The following RBL2 variants were observed in gnomAD, a reference collection of about 807,000 sequenced individuals.
RBL2 encodes retinoblastoma-like protein 2.
A neutral mutation model predicts 126.0 loss-of-function variants in RBL2; 56 were observed. The ratio of observed to expected loss-of-function variants is 0.44; its 90% confidence interval spans 0.36 to 0.56. The LOEUF (loss-of-function observed/expected upper bound fraction) is 0.56, where lower values mean the gene tolerates loss of function less well. Among genes scored for constraint, RBL2 ranks in the 20% least tolerant of loss-of-function variants. The probability of loss-of-function intolerance (pLI) is 0.00; values close to 1 mark genes in which losing one functional copy is unlikely to be tolerated. For missense variants in RBL2, 1,229 were observed against 1,398.2 expected (o/e 0.88, Z 1.93); for synonymous variants, 454 against 478.5 (o/e 0.95, Z 0.67).
chr16:53,436,251 C>T (rs1008715530), intron 1 of RBL2, among the ~76,000 whole-genome samples: 13 of 152,044 alleles, frequency 8.6e-5, no homozygotes, highest in Non-Finnish European at 1.8e-4. Context: ...TCCTGTAAAT[C>T]AGATAGAACA....
chr16:53,481,766 A>G lies in RBL2; in HGVS notation c.3180A>G (p.Pro1060=). ...AAAATCATCCTGTCTACATTTCCCCACATAAAAATGAAACAATGCTTTCTC... is the reference window on the plus strand; with the variant it reads ...AAAATCATCCTGTCTACATTTCCCCGCATAAAAATGAAACAATGCTTTCTC... ...LSQNHPVYIS[P]HKNETMLSPR... The change falls in exon 21 of 22, where the codon CCA becomes CCG. Residue 1060 remains proline, a synonymous_variant. Transcript: ENST00000262133. 1 of 1,595,610 alleles carries G rather than the reference A, an allele frequency of 6.3e-7. No individual in the cohort carries two copies.
At chr16:53,438,671 CTG>C (rs931790354) in intron 1 of RBL2, among the ~76,000 whole-genome samples, 2 of 151,850 alleles carry the variant, frequency 1.3e-5, no homozygotes, top group African/African-American at 2.4e-5. Context: ...TGACAAAACC[CTG>C]TCTCTACAAA....
intron 5 of RBL2, among the ~76,000 whole-genome samples, chr16:53,452,990 A>AT (rs918088143): frequency 4.0e-5 from 6 of 151,856 alleles, no homozygotes; most frequent in African/African-American, 9.7e-5. Flanking sequence ...TTTTTATTTG[A>AT]TTTTTTTTCT....
chr16:53,453,010 A>C (rs929495747), intron 5 of RBL2, among the ~76,000 whole-genome samples: 3 of 151,956 alleles, frequency 2.0e-5, no homozygotes, highest in African/African-American at 7.3e-5. Context: ...TTTTGTGCTG[A>C]GTCTAGGGCA....
In RBL2 at chr16:53,481,696, A is replaced by G. The variant is rs1238256020; in HGVS notation, c.3110A>G (p.Tyr1037Cys). 1.9e-6 allele frequency: 3 copies of G among 1,611,628 alleles called. No individual in the cohort carries two copies. Among genetic ancestry groups the G allele is most frequent in the South Asian group, 2.2e-5 (2 of 90,966 alleles). ...ANMDAPPLSP[Y>C]PFVRTGSPRR... ...ATGGATGCTCCTCCACTCTCTCCCT[A>G]TCCATTTGTAAGAACAGGCTCCCCT... Residue 1037 changes from tyrosine to cysteine, a missense_variant, in exon 21 of 22, where the codon TAT (tyrosine) becomes TGT (cysteine). This residue lies in a region of RBL2 where 1,070 missense variants were observed against 1,274.3 expected (regional missense o/e 0.84). Coordinates refer to ENST00000262133, the MANE Select transcript of RBL2 (RefSeq NM_005611.4).
At chr16:53,467,304 C>G (rs1322363522) in intron 14 of RBL2, 135 bp downstream of exon 14, 3 of 672,952 alleles carry the variant, frequency 4.5e-6, no homozygotes, top group Non-Finnish European at 7.5e-6. Context: ...ACATGGATCA[C>G]TTAAAAGAAG....
chr16:53,473,305 C>T (rs1273765984), intron 17 of RBL2, among the ~76,000 whole-genome samples: 1 of 151,882 alleles, frequency 6.6e-6, no homozygotes, highest in Non-Finnish European at 1.5e-5. Context: ...AATTTTATAT[C>T]TTCTGATCCA....
Position 53,451,689 on chromosome 16 carries a change from T to G in RBL2, c.638-14T>G. On this transcript the variant is annotated splice_polypyrimidine_tract_variant and intron_variant, in intron 4 of 21. Coordinates refer to ENST00000262133, the MANE Select transcript of RBL2 (RefSeq NM_005611.4). ...AATGCTAATTTAACTCTGTAACTGC[T>G]TATAATCCTGCAGGTAATTTCCCCA... 5 of 1,612,266 alleles carry G rather than the reference T, an allele frequency of 3.1e-6. No individual in the cohort carries two copies. The highest frequency in any genetic ancestry group is 4.2e-6 in the Non-Finnish European group (5 of 1,178,722).
intron 8 of RBL2, among the ~76,000 whole-genome samples, chr16:53,457,985 G>A (rs1694085573): frequency 6.6e-6 from 1 of 152,212 alleles, no homozygotes; most frequent in African/African-American, 2.4e-5. Flanking sequence ...TTCATGCACA[G>A]TGAAGTAGTT....
At chr16:53,461,491 C>CA (rs1401169927) in intron 9 of RBL2, among the ~76,000 whole-genome samples, 7 of 147,176 alleles carry the variant, frequency 4.8e-5, no homozygotes, top group Non-Finnish European at 1.0e-4. Flanking sequence ...GACTCTGTCT[C>CA]AAAAAAAATA....
intron 8 of RBL2, among the ~76,000 whole-genome samples, chr16:53,457,730 A>G (rs545300772): frequency 6.6e-6 from 1 of 152,364 alleles, no homozygotes; most frequent in African/African-American, 2.4e-5. Flanking sequence ...ATTTGCACCC[A>G]AGTTAAAGAT....
intron 21 of RBL2, among the ~76,000 whole-genome samples, chr16:53,484,824 G>A (rs1363262141): frequency 6.6e-6 from 1 of 152,020 alleles, no homozygotes; most frequent in Non-Finnish European, 1.5e-5. Flanking sequence ...TGAATAATAC[G>A]GTATAAGAAT....
intron 2 of RBL2, among the ~76,000 whole-genome samples, chr16:53,440,858 T>G (rs75067401): frequency 0.065 from 9,861 of 151,722 alleles, 978 homozygotes; most frequent in African/African-American, 0.22. Context: ...CTGGCCAACA[T>G]TTTATTCTTA....
chr16:53,479,886 G>T lies in RBL2; in HGVS notation c.2776G>T (p.Val926Leu), dbSNP rs769769177. 6.3e-7 allele frequency: 1 copy of T among 1,578,726 alleles called. No individual in the cohort carries two copies. Among genetic ancestry groups the T allele is most frequent in the Non-Finnish European group, 8.7e-7 (1 of 1,151,944 alleles). Reference sequence around the variant, plus strand: ...TCCCCTTCTCATTGTTTCTCTAAAGGTGTATAGAAGTGTTTTGATAAAAGG... The same window carrying T: ...TCCCCTTCTCATTGTTTCTCTAAAGTTGTATAGAAGTGTTTTGATAAAAGG... Reference protein sequence around the residue: ...YRTQPQARSQVYRSVLIKGKR... With the variant: ...YRTQPQARSQLYRSVLIKGKR... Residue 926 changes from valine to leucine, a missense_variant and splice_region_variant, in exon 19 of 22, where the codon GTG becomes TTG. Val to Leu is a conservative substitution (Grantham distance 32). Around this residue, in one of 2 missense-constraint regions of RBL2, gnomAD observed 1,070 missense variants for 1,274.3 expected, o/e 0.84. Coordinates refer to ENST00000262133, the MANE Select transcript of RBL2 (RefSeq NM_005611.4).
chr16:53,464,599 G>C (rs2058253958), intron 12 of RBL2: 6 of 322,656 alleles, frequency 1.9e-5, no homozygotes, highest in South Asian at 2.2e-4. Context: ...TCTAATAAAA[G>C]TTTTTAGAAT....
intron 21 of RBL2, chr16:53,489,029 A>C (rs1439126934): frequency 6.6e-6 from 1 of 151,200 alleles, no homozygotes; most frequent in Non-Finnish European, 1.5e-5. Context: ...AGCTTGGACA[A>C]CATAGTGCAA....
chr16:53,435,887 C>T (rs2057954024), intron 1 of RBL2: 8 of 816,404 alleles, frequency 9.8e-6, no homozygotes, highest in Non-Finnish European at 1.4e-5. Flanking sequence ...TGTATGGTGG[C>T]TTTAGAACCC....
chr16:53,442,635 A>G (rs770764925), intron 2 of RBL2, 23 bp from the exon 3 acceptor site: 2 of 1,553,316 alleles, frequency 1.3e-6, no homozygotes, highest in Admixed American at 3.5e-5. Context: ...ATTATGAAAT[A>G]TCTTGTTTGT....
At chr16:53,479,485 G>T in intron 18 of RBL2, 1 of 519,658 alleles carries the variant, frequency 1.9e-6, no homozygotes. Flanking sequence ...GAAGTTACTT[G>T]GTTTCTATGT....
Sources: gnomAD v4.1 joint callset for allele counts (sites outside exome capture counted in the v4.1 genomes callset) on GRCh38, gnomAD v4.1.1 for gene constraint, gnomAD v4.1.1 regional missense constraint, MANE v1.5 for transcripts, NCBI Gene and HGNC (gene_info 2026-07-23, HGNC 2026-07-21) for gene names.